The following C12orf42 variants were observed in gnomAD, a reference collection of about 807,000 sequenced individuals.
C12orf42 encodes the protein uncharacterized protein C12orf42.
Under a neutral mutation model 21.6 loss-of-function variants are expected in C12orf42, and 25 were observed. That is an observed-to-expected ratio of 1.16 (90% CI 0.84 to 1.62). The LOEUF (loss-of-function observed/expected upper bound fraction) is 1.62, where lower values mean the gene tolerates loss of function less well. Ranked by LOEUF, C12orf42 falls within the 40% of genes most tolerant of loss-of-function variation. The pLI is 0.00. For missense variants in C12orf42, 483 were observed against 459.3 expected (o/e 1.05, Z -0.47); for synonymous variants, 174 against 175.0 (o/e 0.99, Z 0.05).
At chr12:103,410,681 T>C (rs11111556) in intron 2 of C12orf42, among the ~76,000 whole-genome samples, 94,504 of 152,116 alleles carry the variant, frequency 0.62, 30,411 homozygotes, top group Admixed American at 0.72. Flanking sequence ...CCAGCAAGAA[T>C]AGCATGGAAA....
chr12:103,180,112 C>G, the C12orf42 span, among the ~76,000 whole-genome samples: 1 of 151,348 alleles, frequency 6.6e-6, no homozygotes, highest in Non-Finnish European at 1.5e-5. Context: ...CATGCCTTCC[C>G]AATGAAGCCA....
chr12:103,273,553 CT>C (rs1332107614), intron 5 of C12orf42, among the ~76,000 whole-genome samples: 1 of 152,138 alleles, frequency 6.6e-6, no homozygotes, highest in Admixed American at 6.6e-5. Flanking sequence ...CACCATCTCA[CT>C]TTCCTGTCAT....
chr12:103,261,476 CAAAAA>C (rs200549825), intron 10 of C12orf42, among the ~76,000 whole-genome samples: 4 of 78,824 alleles, frequency 5.1e-5, no homozygotes, highest in African/African-American at 1.2e-4. Flanking sequence ...GAGACTCTTT[CAAAAA>C]AAAAAAAAAA....
chr12:103,213,253 A>G, the C12orf42 span, among the ~76,000 whole-genome samples: 2 of 152,162 alleles, frequency 1.3e-5, no homozygotes, highest in African/African-American at 4.8e-5. Context: ...CCCATTTCAC[A>G]GAGGAGGAAA....
chr12:103,124,775 G>A, the C12orf42 span, among the ~76,000 whole-genome samples: 2 of 152,076 alleles, frequency 1.3e-5, no homozygotes, highest in Non-Finnish European at 2.9e-5. Context: ...AACAGACCCT[G>A]CTATCAGAAC....
At chr12:103,320,307 A>T (rs1166368053) in intron 4 of C12orf42, among the ~76,000 whole-genome samples, 1 of 152,232 alleles carries the variant, frequency 6.6e-6, no homozygotes, top group Non-Finnish European at 1.5e-5. Flanking sequence ...ACATGTAATC[A>T]TTACACCAAA....
chr12:103,307,775 G>A (rs1192520574), intron 4 of C12orf42, among the ~76,000 whole-genome samples: 1 of 151,198 alleles, frequency 6.6e-6, no homozygotes. Flanking sequence ...TGTGTGTGTA[G>A]GTGTGTGCTT....
the C12orf42 span, among the ~76,000 whole-genome samples, chr12:103,092,362 GA>G: frequency 7.0e-4 from 107 of 152,196 alleles, 1 homozygote; most frequent in Middle Eastern, 6.8e-3. Flanking sequence ...TGCACGGGGG[GA>G]AAAAACAGCA....
chr12:103,357,200 G>T (rs2043660990), intron 4 of C12orf42, among the ~76,000 whole-genome samples: 1 of 151,216 alleles, frequency 6.6e-6, no homozygotes, highest in African/African-American at 2.4e-5. Flanking sequence ...AATGCTAAAT[G>T]ACGAGTTAAT....
At chr12:103,285,347 C>T (rs1335862406) in intron 4 of C12orf42, among the ~76,000 whole-genome samples, 1 of 152,154 alleles carries the variant, frequency 6.6e-6, no homozygotes, top group African/African-American at 2.4e-5. Flanking sequence ...TCCTAAGGAT[C>T]CAGCCAGGTA....
At chr12:103,436,149 C>A (rs1476342709) in intron 2 of C12orf42, among the ~76,000 whole-genome samples, 6 of 151,364 alleles carry the variant, frequency 4.0e-5, no homozygotes, top group African/African-American at 1.5e-4. Flanking sequence ...TCCAGCCAAA[C>A]TAAGCTTCAT....
At chr12:103,202,659 T>C in the C12orf42 span, among the ~76,000 whole-genome samples, 1 of 152,206 alleles carries the variant, frequency 6.6e-6, no homozygotes, top group Non-Finnish European at 1.5e-5. Context: ...CTGACTCCAA[T>C]ATAAGGAGCA....
intron 4 of C12orf42, among the ~76,000 whole-genome samples, chr12:103,357,397 T>A (rs1334514236): frequency 6.6e-6 from 1 of 152,032 alleles, no homozygotes; most frequent in Non-Finnish European, 1.5e-5. Context: ...GGAGGTTTCT[T>A]AATGCAAAAA....
chr12:103,425,935 C>T (rs1949773234), intron 2 of C12orf42, among the ~76,000 whole-genome samples: 1 of 152,142 alleles, frequency 6.6e-6, no homozygotes, highest in Non-Finnish European at 1.5e-5. Flanking sequence ...AAAAGGACGT[C>T]CACACAAAAA....
chr12:103,246,575 C>T (rs1287703627), intron 10 of C12orf42, among the ~76,000 whole-genome samples: 2 of 151,886 alleles, frequency 1.3e-5, no homozygotes, highest in Non-Finnish European at 2.9e-5. Flanking sequence ...TGGATATAAC[C>T]CTTGGAACCT....
chr12:103,237,189 G>T (rs2033494926), downstream of C12orf42, among the ~76,000 whole-genome samples: 1 of 152,164 alleles, frequency 6.6e-6, no homozygotes, highest in East Asian at 1.9e-4. Context: ...CTGTAGAGTT[G>T]TTTTACAAAA....
At chr12:103,413,293 C>T (rs1045520553) in intron 2 of C12orf42, among the ~76,000 whole-genome samples, 1 of 152,172 alleles carries the variant, frequency 6.6e-6, no homozygotes, top group African/African-American at 2.4e-5. Flanking sequence ...GTTTTCTATT[C>T]TGTTCCATTG....
chr12:103,088,831 C>T, the C12orf42 span, among the ~76,000 whole-genome samples: 3 of 152,070 alleles, frequency 2.0e-5, no homozygotes, highest in African/African-American at 4.8e-5. Flanking sequence ...CAGCTGGGTG[C>T]GGTGGCTCAC....
chr12:103,136,492 A>G, the C12orf42 span, among the ~76,000 whole-genome samples: 1 of 152,218 alleles, frequency 6.6e-6, no homozygotes, highest in East Asian at 1.9e-4. Flanking sequence ...TGCAATTCCT[A>G]TCAAAATACA....
Sources: gnomAD v4.1 joint callset for allele counts (sites outside exome capture counted in the v4.1 genomes callset) on GRCh38, gnomAD v4.1.1 for gene constraint, MANE v1.5 for transcripts, NCBI Gene and HGNC (gene_info 2026-07-23, HGNC 2026-07-21) for gene names.